DUSP22: variants seen among roughly 807,000 people sequenced by gnomAD.
DUSP22 encodes dual specificity protein phosphatase 22.
Under a neutral mutation model 24.5 loss-of-function variants are expected in DUSP22, and 24 were observed. That is an observed-to-expected ratio of 0.98 (90% CI 0.71 to 1.38). The LOEUF (loss-of-function observed/expected upper bound fraction) is 1.38, where lower values mean the gene tolerates loss of function less well. DUSP22 is among the 40% of genes most tolerant of loss of function. The pLI, the probability that DUSP22 is intolerant of heterozygous loss-of-function variation, is 0.00. For missense variants in DUSP22, 330 were observed against 269.2 expected (o/e 1.23, Z -1.58); for synonymous variants, 160 against 106.4 (o/e 1.50, Z -3.10).
At chr6:328,070 C>T (rs11757245) in intron 3 of DUSP22, among the ~76,000 whole-genome samples, 2,456 of 151,386 alleles carry the variant, frequency 0.016, 2 homozygotes, top group African/African-American at 0.056. Flanking sequence ...CCTGGTGATA[C>T]GTACAGAGAA....
At chr6:338,704 A>G (rs1759469371) in intron 4 of DUSP22, among the ~76,000 whole-genome samples, 1 of 152,422 alleles carries the variant, frequency 6.6e-6, no homozygotes, top group Middle Eastern at 3.4e-3. Context: ...AAATTCTGGA[A>G]AACTATGTTG....
At chr6:339,919 C>G (rs1759526655) in intron 4 of DUSP22, among the ~76,000 whole-genome samples, 1 of 152,304 alleles carries the variant, frequency 6.6e-6, no homozygotes, top group African/African-American at 2.4e-5. Context: ...GTCCTGCTTC[C>G]AGACAGTTCC....
chr6:346,692 T>A (rs983202555), intron 5 of DUSP22, among the ~76,000 whole-genome samples: 1 of 152,304 alleles, frequency 6.6e-6, no homozygotes, highest in Non-Finnish European at 1.5e-5. Flanking sequence ...CTGTCTTGAA[T>A]GAAGTGTGTT....
At chr6:315,204 T>C (rs904075635) in intron 3 of DUSP22, among the ~76,000 whole-genome samples, 1 of 152,302 alleles carries the variant, frequency 6.6e-6, no homozygotes, top group Non-Finnish European at 1.5e-5. Flanking sequence ...AGAAACGTAA[T>C]AGAAACCTGG....
At chr6:334,470 GAGTTTTAT>G (rs1326006275) in intron 3 of DUSP22, among the ~76,000 whole-genome samples, 1 of 152,188 alleles carries the variant, frequency 6.6e-6, no homozygotes, top group African/African-American at 2.4e-5. Context: ...ACCTTTTTCT[GAGTTTTAT>G]AGAGGAGTAT....
intron 4 of DUSP22, among the ~76,000 whole-genome samples, chr6:338,493 A>G (rs906014641): frequency 6.6e-6 from 1 of 152,304 alleles, no homozygotes; most frequent in African/African-American, 2.4e-5. Flanking sequence ...GCTGACAATC[A>G]ACTTTTGCTT....
At chr6:341,621 C>T (rs1040505785) in intron 4 of DUSP22, among the ~76,000 whole-genome samples, 5 of 152,300 alleles carry the variant, frequency 3.3e-5, no homozygotes, top group Admixed American at 6.5e-5. Flanking sequence ...GGGCTCTGAG[C>T]GGCCGCCTTG....
chr6:335,173 T>C lies in DUSP22; in HGVS notation c.188+10T>C, dbSNP rs1759308162. On this transcript the variant is annotated intron_variant, in intron 4 of 6. Coordinates refer to ENST00000419235, the MANE Select transcript of DUSP22 (RefSeq NM_001286555.3). Reference sequence around the variant, plus strand: ...CACCATCTCAAAACCTGTAAGTTTCTTATTTCTGTATTATTTGGAGACATT... The same window carrying C: ...CACCATCTCAAAACCTGTAAGTTTCCTATTTCTGTATTATTTGGAGACATT... 1 of 1,613,052 alleles carries C rather than the reference T, an allele frequency of 6.2e-7. No individual in the cohort carries two copies. Among genetic ancestry groups the C allele is most frequent in the African/African-American group, 1.3e-5 (1 of 74,954 alleles).
chr6:294,447 C>T (rs900074063), intron 1 of DUSP22, among the ~76,000 whole-genome samples: 2 of 152,234 alleles, frequency 1.3e-5, no homozygotes, highest in Admixed American at 6.5e-5. Flanking sequence ...TAATATGATG[C>T]GAGCTATATA....
chr6:350,973 T>G lies in DUSP22; in HGVS notation c.*2022T>G, dbSNP rs1304802080. 6.7e-7 allele frequency: 1 copy of G among 1,493,130 alleles called. No homozygotes were observed. The highest frequency in any genetic ancestry group is 9.3e-7 in the Non-Finnish European group (1 of 1,079,136). The allele number at this position is 1,493,130 out of a possible 1,614,324, so 92.5% of individuals were successfully genotyped here. ...AAGTATCCAGTAGTGATTTGTAAAC[T>G]TGTTTTTCATTTGAAGCTGAATATA... On this transcript the variant is annotated 3_prime_UTR_variant, in exon 7 of 7. Transcript: ENST00000419235.
chr6:299,959 T>C (rs542765409), intron 1 of DUSP22, among the ~76,000 whole-genome samples: 15 of 152,418 alleles, frequency 9.8e-5, no homozygotes, highest in East Asian at 7.7e-4. Flanking sequence ...TGTTCACTCA[T>C]TCATTGGAGA....
At chr6:341,532 C>T (rs1465827412) in intron 4 of DUSP22, among the ~76,000 whole-genome samples, 6 of 152,304 alleles carry the variant, frequency 3.9e-5, no homozygotes, top group Admixed American at 1.3e-4. Flanking sequence ...CTGGGCTTTT[C>T]TTGGAAAAGG....
At chr6:294,021 T>G (rs1369814618) in intron 1 of DUSP22, among the ~76,000 whole-genome samples, 2 of 152,408 alleles carry the variant, frequency 1.3e-5, no homozygotes, top group African/African-American at 4.8e-5. Flanking sequence ...TTTGGCTGTT[T>G]CTAGTTTTCC....
chr6:348,672 T>C (rs1241338882), intron 6 of DUSP22, 97 bp from the exon 7 acceptor site: 2 of 1,555,966 alleles, frequency 1.3e-6, no homozygotes, highest in Non-Finnish European at 1.8e-6. Context: ...TGGTTATGTG[T>C]GGCACCATCT....
intron 5 of DUSP22, among the ~76,000 whole-genome samples, chr6:347,189 C>A (rs1759926249): frequency 6.6e-6 from 1 of 152,424 alleles, no homozygotes; most frequent in East Asian, 1.9e-4. Flanking sequence ...GTTGCAGCCC[C>A]AGAGGATCTG....
intron 4 of DUSP22, among the ~76,000 whole-genome samples, chr6:340,672 G>C (rs1380744694): frequency 6.6e-6 from 1 of 152,304 alleles, no homozygotes; most frequent in African/African-American, 2.4e-5. Flanking sequence ...GCAGGAAGGA[G>C]GAGCACCCTG....
At chr6:333,519 G>A (rs1264460334) in intron 3 of DUSP22, among the ~76,000 whole-genome samples, 3 of 152,302 alleles carry the variant, frequency 2.0e-5, no homozygotes, top group African/African-American at 7.2e-5. Context: ...TTGTGGATGA[G>A]GCAAGAGGGA....
At chr6:339,504 T>A (rs1267669220) in intron 4 of DUSP22, among the ~76,000 whole-genome samples, 1 of 152,310 alleles carries the variant, frequency 6.6e-6, no homozygotes, top group Non-Finnish European at 1.5e-5. Context: ...ATATATTACA[T>A]TGGCATTTTG....
At chr6:303,174 C>G (rs533237050) in intron 1 of DUSP22, among the ~76,000 whole-genome samples, 2 of 152,306 alleles carry the variant, frequency 1.3e-5, no homozygotes, top group Non-Finnish European at 1.5e-5. Flanking sequence ...CAGCAAAGCT[C>G]TGTGCAGTCA....
Sources: allele counts gnomAD v4.1 joint callset (sites outside exome capture counted in the v4.1 genomes callset), GRCh38; gene constraint gnomAD v4.1.1; transcripts MANE v1.5; gene names NCBI Gene and HGNC (gene_info 2026-07-23, HGNC 2026-07-21).